Variants in ZMYND11 observed in about 807,000 individuals in gnomAD.
The protein encoded by ZMYND11 is zinc finger MYND-type containing 11, also known as zinc finger MYND domain-containing protein 11.
In ZMYND11, 9 loss-of-function variants were observed where a neutral mutation model predicts 84.9. That is an observed-to-expected ratio of 0.11 (90% CI 0.06 to 0.18). ZMYND11 has a LOEUF of 0.18. Among genes scored for constraint, ZMYND11 ranks in the 10% least tolerant of loss-of-function variants. The probability of loss-of-function intolerance (pLI) is 1.00; values close to 1 mark genes in which losing one functional copy is unlikely to be tolerated. For synonymous variants in ZMYND11, 250 were observed against 244.1 expected, an observed-to-expected ratio of 1.02 and a Z score of -0.23; for missense variants, 409 against 761.0, an observed-to-expected ratio of 0.54 and a Z score of 5.44.
chr10:208,512 C>T (rs957056166), intron 2 of ZMYND11, among the ~76,000 whole-genome samples: 5 of 152,184 alleles, frequency 3.3e-5, no homozygotes, highest in Non-Finnish European at 5.9e-5. Context: ...CAAAAGAAGA[C>T]GTTTATGCAG....
At chr10:188,467 C>G (rs1939375958) in intron 2 of ZMYND11, among the ~76,000 whole-genome samples, 1 of 151,566 alleles carries the variant, frequency 6.6e-6, no homozygotes, top group Non-Finnish European at 1.5e-5. Context: ...GTGGTGTATG[C>G]CTGTAGTCCC....
intron 2 of ZMYND11, chr10:197,879 A>G: frequency 1.8e-6 from 1 of 559,630 alleles, no homozygotes. Context: ...AAGGAAAGTG[A>G]CTATCAAACT....
chr10:143,905 G>A (rs1838062250), intron 1 of ZMYND11, among the ~76,000 whole-genome samples: 1 of 151,734 alleles, frequency 6.6e-6, no homozygotes, highest in South Asian at 2.1e-4. Flanking sequence ...TTGGGAGGCC[G>A]AGGCGGGCAG....
At chr10:234,983 TGTG>T (rs1337635754) in intron 4 of ZMYND11, among the ~76,000 whole-genome samples, 1 of 12,278 alleles carries the variant, frequency 8.1e-5, no homozygotes, top group Non-Finnish European at 1.3e-4. Flanking sequence ...ATTTCGCAAA[TGTG>T]TGTGTGTGTG....
In ZMYND11 at chr10:248,965, G is replaced by T; in HGVS notation, c.1563G>T (p.Gln521His). 1 of 1,614,228 alleles carries T rather than the reference G, an allele frequency of 6.2e-7. No homozygotes were observed. Residue 521 changes from glutamine to histidine, a missense_variant, in exon 14 of 15, where the codon CAG becomes CAT. Coordinates refer to ENST00000381604, the MANE Select transcript of ZMYND11 (RefSeq NM_001370100.5). ...QAVNKAVANM[Q>H]GEMDRKCKQV... ...TAAATAAAGCTGTAGCCAACATGCAGGGTGAGATGGACAGAAAATGTAAGC... is the reference window on the plus strand; with the variant it reads ...TAAATAAAGCTGTAGCCAACATGCATGGTGAGATGGACAGAAAATGTAAGC...
intron 1 of ZMYND11, among the ~76,000 whole-genome samples, chr10:161,140 G>A (rs1395441016): frequency 1.3e-5 from 2 of 151,736 alleles, no homozygotes; most frequent in Non-Finnish European, 2.9e-5. Flanking sequence ...ATTACTTCTT[G>A]ATCAGTGGGC....
intron 1 of ZMYND11, among the ~76,000 whole-genome samples, chr10:177,052 C>T (rs1846793251): frequency 6.6e-6 from 1 of 152,150 alleles, no homozygotes; most frequent in Non-Finnish European, 1.5e-5. Context: ...TATATCTAGT[C>T]ACATCACTAG....
chr10:183,331 G>T (rs1349654502), intron 2 of ZMYND11, among the ~76,000 whole-genome samples: 2 of 149,406 alleles, frequency 1.3e-5, no homozygotes, highest in South Asian at 2.1e-4. Context: ...TTAACCTGTT[G>T]CTCAGTCCTT....
At position 248,989 on chromosome 10, in the gene ZMYND11, G is replaced by T; in HGVS notation, c.1587G>T (p.Lys529Asn). The T allele has an allele frequency of 6.2e-7, 1 of 1,614,204 alleles. No homozygotes were observed. The highest frequency in any genetic ancestry group is 8.5e-7 in the Non-Finnish European group (1 of 1,180,024). The change falls in exon 14 of 15, where the codon AAG (lysine) becomes AAT (asparagine). Residue 529 changes from lysine (K) to asparagine (N), a missense_variant. By Grantham distance (94) the Lys-to-Asn change is moderately conservative. This residue lies in a region of ZMYND11 where 141 missense variants were observed against 173.8 expected (regional missense o/e 0.81). Coordinates refer to ENST00000381604, the MANE Select transcript of ZMYND11 (RefSeq NM_001370100.5). The part of the protein sequence containing the change: ...NMQGEMDRKC[K>N]QVKEKCKEEF... ...AGGGTGAGATGGACAGAAAATGTAA[G>T]CAAGTAAAGGAAAAGTGTAAGGAAG... is the stretch of plus-strand genomic sequence containing the variant.
At position 249,016 on chromosome 10, in the gene ZMYND11, A is replaced by G; in HGVS notation, c.1614A>G (p.Glu538=). 1.2e-6 allele frequency: 2 copies of G among 1,614,210 alleles called. No individual in the cohort carries two copies. Among genetic ancestry groups the G allele is most frequent in the Non-Finnish European group, 1.7e-6 (2 of 1,180,022 alleles). The change falls in exon 14 of 15, where the codon GAA becomes GAG. Residue 538 remains glutamate, a synonymous_variant. Transcript: ENST00000381604. ...AAGTAAAGGAAAAGTGTAAGGAAGA[A>G]TTTGTAGAAGAAATCAAGAAGCTGG... ...CKQVKEKCKE[E]FVEEIKKLAT...
At chr10:200,224 G>GTGTGTGTGTGTGTGTGTA (rs1434058171) in intron 2 of ZMYND11, among the ~76,000 whole-genome samples, 2 of 141,756 alleles carry the variant, frequency 1.4e-5, no homozygotes, top group East Asian at 3.9e-4. Context: ...GTGTGTGTGT[G>GTGTGTGTGTGTGTGTGTA]TATAATATAT....
upstream of ZMYND11, chr10:135,145 C>T (rs2131008374): frequency 6.7e-6 from 1 of 148,722 alleles, no homozygotes; most frequent in East Asian, 2.1e-4. The surrounding 1 kb of genome is among the most constrained non-coding windows in gnomAD (Gnocchi z 5.6). Context: ...GGCGGCGGCG[C>T]CCAACTTCCC....
chr10:235,475 A>G (rs1949789744), intron 4 of ZMYND11, among the ~76,000 whole-genome samples: 1 of 151,950 alleles, frequency 6.6e-6, no homozygotes, highest in African/African-American at 2.4e-5. Context: ...TTTATATTCC[A>G]TATCTATGCC....
At chr10:225,521 A>T (rs1245951004) in intron 4 of ZMYND11, among the ~76,000 whole-genome samples, 3 of 151,650 alleles carry the variant, frequency 2.0e-5, no homozygotes, top group Non-Finnish European at 4.4e-5. Flanking sequence ...TCATTTTTAA[A>T]TTTTTTTCTG....
intron 2 of ZMYND11, among the ~76,000 whole-genome samples, chr10:182,350 A>G (rs1017025977): frequency 3.3e-5 from 5 of 152,220 alleles, no homozygotes; most frequent in African/African-American, 1.2e-4. Flanking sequence ...TATTATTGAT[A>G]AGCATTCTTT....
chr10:201,075 A>G (rs1943060020), intron 2 of ZMYND11, among the ~76,000 whole-genome samples: 1 of 152,014 alleles, frequency 6.6e-6, no homozygotes, highest in Admixed American at 6.6e-5. Context: ...TACTAGATCA[A>G]TATTCATTTA....
At chr10:217,124 A>AGT (rs1946311101) in intron 3 of ZMYND11, among the ~76,000 whole-genome samples, 3 of 16,452 alleles carry the variant, frequency 1.8e-4, no homozygotes, top group Admixed American at 2.1e-3. Context: ...ACTTTAGAAC[A>AGT]CTATTCAAAC....
chr10:150,575 A>G (rs575897664), intron 1 of ZMYND11, among the ~76,000 whole-genome samples: 13 of 152,272 alleles, frequency 8.5e-5, no homozygotes, highest in South Asian at 2.1e-4. Context: ...GAGTAGGTAA[A>G]CAAAGTGGCC....
chr10:234,193 C>T (rs1379451805), intron 4 of ZMYND11, among the ~76,000 whole-genome samples: 1 of 152,214 alleles, frequency 6.6e-6, no homozygotes, highest in Non-Finnish European at 1.5e-5. Flanking sequence ...GAGTTAGAAA[C>T]AAGAGACGTG....
Sources: allele counts gnomAD v4.1 joint callset (sites outside exome capture counted in the v4.1 genomes callset), GRCh38; gene constraint gnomAD v4.1.1; regional missense constraint gnomAD v4.1.1; non-coding constraint Gnocchi (gnomAD v3.1); transcripts MANE v1.5; gene names NCBI Gene and HGNC (gene_info 2026-07-23, HGNC 2026-07-21).